Variants in SGCZ observed in about 807,000 individuals in gnomAD.
SGCZ encodes the protein sarcoglycan zeta.
In SGCZ, 40 loss-of-function variants were observed where a neutral mutation model predicts 41.3. The observed-to-expected ratio is 0.97, with a 90% CI of 0.75 to 1.26. The LOEUF (loss-of-function observed/expected upper bound fraction) is 1.26. Among genes scored for constraint, SGCZ ranks in the 50% most tolerant of loss-of-function variants. SGCZ has a pLI of 0.00. For synonymous variants in SGCZ, 206 were observed against 137.5 expected (o/e 1.50, Z -3.49); for missense variants, 552 against 369.8 (o/e 1.49, Z -4.04).
chr8:15,237,528 G>T, intron 1 of SGCZ, 57 bp downstream of exon 1: 1 of 1,556,854 alleles, frequency 6.4e-7, no homozygotes, highest in East Asian at 2.3e-5. Context: ...GGGAAGGAGA[G>T]GGGAGAGCAG....
intron 1 of SGCZ, among the ~76,000 whole-genome samples, chr8:14,975,368 G>C (rs527457574): frequency 2.6e-5 from 4 of 152,192 alleles, no homozygotes; most frequent in African/African-American, 9.6e-5. Flanking sequence ...GTGTAGCAGC[G>C]TTCCATCGAA....
intron 1 of SGCZ, among the ~76,000 whole-genome samples, chr8:14,990,706 A>C (rs13254449): frequency 1.3e-5 from 2 of 151,812 alleles, no homozygotes; most frequent in Non-Finnish European, 2.9e-5. Context: ...TAATAATAGA[A>C]ATAAAGTGCG....
intron 1 of SGCZ, among the ~76,000 whole-genome samples, chr8:15,094,256 T>C (rs757683996): frequency 6.6e-6 from 1 of 152,106 alleles, no homozygotes; most frequent in South Asian, 2.1e-4. Flanking sequence ...CACCTCAGCC[T>C]CCTGAGTAAC....
In SGCZ at chr8:15,066,188, G is replaced by A. The variant is rs928654225; in HGVS notation, c.39+171397C>T. ...CCGGGCGCGGTGGCGGGCGCCTGTA[G>A]TCCCAGCTACTGGGGAGGCTGAGGC... On this transcript the variant is annotated intron_variant, in intron 1 of 7. Transcript: ENST00000382080. Among the ~76,000 whole-genome samples the A allele has an allele frequency of 3.3e-4, 50 of 151,710 alleles. 1 individual carries two copies. The highest frequency in any genetic ancestry group is 3.3e-3 in the Admixed American group (50 of 15,238).
intron 3 of SGCZ, among the ~76,000 whole-genome samples, chr8:14,247,232 C>G (rs1387189623): frequency 6.6e-6 from 1 of 152,166 alleles, no homozygotes; most frequent in Non-Finnish European, 1.5e-5. Flanking sequence ...TGCTAGGAAT[C>G]TCTTCTGAGA....
At chr8:14,841,308 C>T (rs1429622453) in intron 1 of SGCZ, among the ~76,000 whole-genome samples, 1 of 151,948 alleles carries the variant, frequency 6.6e-6, no homozygotes, top group African/African-American at 2.4e-5. Context: ...AGCTCTCAGG[C>T]TAACCTAACA....
intron 1 of SGCZ, among the ~76,000 whole-genome samples, chr8:14,891,845 G>C (rs189583643): frequency 4.6e-5 from 7 of 152,190 alleles, no homozygotes; most frequent in Non-Finnish European, 8.8e-5. Context: ...TTAACATGCA[G>C]ACAATATCCT....
intron 1 of SGCZ, among the ~76,000 whole-genome samples, chr8:14,874,761 A>G (rs1804285864): frequency 6.6e-6 from 1 of 152,138 alleles, no homozygotes; most frequent in Admixed American, 6.6e-5. Flanking sequence ...CTAAAAGGAA[A>G]AAAGACACAT....
chr8:14,540,114 G>A (rs1362565949), intron 2 of SGCZ, among the ~76,000 whole-genome samples: 1 of 151,516 alleles, frequency 6.6e-6, no homozygotes, highest in African/African-American at 2.4e-5. Context: ...GGCAGAGAAG[G>A]TCCTTTGTGT....
chr8:14,968,392 G>A (rs77687438), intron 1 of SGCZ, among the ~76,000 whole-genome samples: 6,373 of 152,008 alleles, frequency 0.042, 262 homozygotes, highest in African/African-American at 0.098. Flanking sequence ...AGGAAAAGAG[G>A]AATTTTTCAG....
chr8:14,964,287 A>T (rs772732491), intron 1 of SGCZ, among the ~76,000 whole-genome samples: 1 of 152,226 alleles, frequency 6.6e-6, no homozygotes, highest in African/African-American at 2.4e-5. Context: ...GTTCTGTCAT[A>T]TCACAAGACA....
At chr8:14,338,881 GTC>G (rs1392215332) in intron 2 of SGCZ, among the ~76,000 whole-genome samples, 3 of 152,128 alleles carry the variant, frequency 2.0e-5, no homozygotes, top group Non-Finnish European at 4.4e-5. Flanking sequence ...AGAAAAGGAT[GTC>G]TGTCATTTAA....
chr8:14,455,798 C>T (rs1011685356), intron 2 of SGCZ, among the ~76,000 whole-genome samples: 2 of 152,094 alleles, frequency 1.3e-5, no homozygotes, highest in African/African-American at 4.8e-5. Flanking sequence ...GCTCTATGGA[C>T]TGACATGGGT....
At chr8:14,342,502 A>C (rs1241567109) in intron 2 of SGCZ, among the ~76,000 whole-genome samples, 1 of 151,938 alleles carries the variant, frequency 6.6e-6, no homozygotes, top group Non-Finnish European at 1.5e-5. Flanking sequence ...TTTTTAGTAG[A>C]GATGGGGTTT....
intron 1 of SGCZ, among the ~76,000 whole-genome samples, chr8:14,637,605 G>C (rs182930212): frequency 3.2e-4 from 48 of 151,766 alleles, no homozygotes; most frequent in Non-Finnish European, 6.3e-4. Context: ...AATTTGCTTA[G>C]GATAATGGCA....
Position 14,213,627 on chromosome 8 carries a change from CA to C in SGCZ, c.424+23964del, listed in dbSNP as rs911184482. Among the ~76,000 whole-genome samples, 309 of 148,882 alleles carry C rather than the reference CA, an allele frequency of 2.1e-3. 1 individual carries two copies. The highest frequency in any genetic ancestry group is 7.3e-3 in the African/African-American group (295 of 40,634). On this transcript the variant is annotated intron_variant, in intron 4 of 7. Transcript: ENST00000382080. Reference sequence around the variant, plus strand: ...TAAAGGAAAATAAAACAACAAAAAACAAAAAAAAATGGTAAACGTAGAACAA... The same window carrying C: ...TAAAGGAAAATAAAACAACAAAAAACAAAAAAAATGGTAAACGTAGAACAA...
At chr8:14,113,957 A>C (rs1355986272) in intron 5 of SGCZ, among the ~76,000 whole-genome samples, 4 of 151,976 alleles carry the variant, frequency 2.6e-5, no homozygotes, top group Non-Finnish European at 5.9e-5. Context: ...TCTGAATCTA[A>C]ATTATAGTAT....
At chr8:14,513,843 T>G (rs1802534426) in intron 2 of SGCZ, among the ~76,000 whole-genome samples, 1 of 152,074 alleles carries the variant, frequency 6.6e-6, no homozygotes, top group African/African-American at 2.4e-5. Flanking sequence ...GTCAATGGCC[T>G]AAAAGACATT....
chr8:15,176,415 G>C (rs998856887), intron 1 of SGCZ, among the ~76,000 whole-genome samples: 1 of 151,960 alleles, frequency 6.6e-6, no homozygotes, highest in African/African-American at 2.4e-5. Flanking sequence ...GGCATTTGAC[G>C]GCAAATAGTC....
Sources: allele counts gnomAD v4.1 joint callset (sites outside exome capture counted in the v4.1 genomes callset), GRCh38; gene constraint gnomAD v4.1.1; transcripts MANE v1.5; gene names NCBI Gene and HGNC (gene_info 2026-07-23, HGNC 2026-07-21).